Variants in ZBTB20 observed in about 807,000 individuals in gnomAD.
The protein encoded by ZBTB20 is zinc finger and BTB domain-containing protein 20.
In ZBTB20, 9 loss-of-function variants were observed where a neutral mutation model predicts 56.9. The observed-to-expected ratio is 0.16, with a 90% CI of 0.10 to 0.28. The LOEUF is 0.28. Among genes scored for constraint, ZBTB20 ranks in the 10% least tolerant of loss-of-function variants. The probability of loss-of-function intolerance (pLI) is 1.00; values close to 1 mark genes in which losing one functional copy is unlikely to be tolerated. For missense variants in ZBTB20, 655 were observed against 1,003.0 expected (o/e 0.65, Z 4.69); for synonymous variants, 417 against 420.7 (o/e 0.99, Z 0.11).
At chr3:115,018,307 T>G (rs2080061711) in intron 2 of ZBTB20, among the ~76,000 whole-genome samples, 1 of 151,490 alleles carries the variant, frequency 6.6e-6, no homozygotes, top group South Asian at 2.1e-4. Flanking sequence ...GTTAGAAAAT[T>G]TTTTAACAAG....
chr3:114,548,886 C>T (rs1027968728), intron 6 of ZBTB20, among the ~76,000 whole-genome samples: 8 of 152,156 alleles, frequency 5.3e-5, no homozygotes, highest in African/African-American at 1.9e-4. Context: ...GTAGGAAGCT[C>T]ATTCCTTCAT....
intron 1 of ZBTB20, among the ~76,000 whole-genome samples, chr3:115,088,374 G>T (rs1345875346): frequency 2.0e-5 from 3 of 151,702 alleles, no homozygotes; most frequent in African/African-American, 7.3e-5. Context: ...TTGTAAGTCT[G>T]CTAAAGACAA....
chr3:114,947,409 A>G (rs2076920879), intron 3 of ZBTB20, among the ~76,000 whole-genome samples: 1 of 146,422 alleles, frequency 6.8e-6, no homozygotes, highest in Admixed American at 6.6e-5. Flanking sequence ...GCCAACTTAA[A>G]TGTCCATCAA....
chr3:115,050,905 T>A (rs545648957), intron 2 of ZBTB20, among the ~76,000 whole-genome samples: 2 of 152,052 alleles, frequency 1.3e-5, no homozygotes, highest in Admixed American at 6.6e-5. Flanking sequence ...AAAAACAAAG[T>A]CAATCCAAAA....
chr3:115,080,712 A>G (rs1362778897), intron 1 of ZBTB20, among the ~76,000 whole-genome samples: 1 of 152,190 alleles, frequency 6.6e-6, no homozygotes. Flanking sequence ...TAAGAACATT[A>G]ATTGTTGTGA....
intron 4 of ZBTB20, among the ~76,000 whole-genome samples, chr3:114,869,654 A>G (rs1255492332): frequency 6.6e-6 from 1 of 152,170 alleles, no homozygotes; most frequent in Non-Finnish European, 1.5e-5. Flanking sequence ...AAACAAGCCT[A>G]TTTCCTTATC....
chr3:114,956,105 CA>C (rs1283750537), intron 3 of ZBTB20, among the ~76,000 whole-genome samples: 3 of 152,038 alleles, frequency 2.0e-5, no homozygotes, highest in Non-Finnish European at 4.4e-5. Context: ...GCTATATTGA[CA>C]AAAGTATGCA....
chr3:114,582,300 C>T (rs913653740), intron 6 of ZBTB20: 4 of 152,030 alleles, frequency 2.6e-5, no homozygotes, highest in Non-Finnish European at 5.9e-5. Context: ...GGTTCAGAAA[C>T]AAATGTTCCA....
chr3:114,455,138 GGA>G (rs1456145350), intron 7 of ZBTB20, among the ~76,000 whole-genome samples: 2 of 150,844 alleles, frequency 1.3e-5, no homozygotes, highest in East Asian at 1.9e-4. Context: ...GGAACAGGAG[GGA>G]GAGAGAGAGA....
At chr3:114,404,692 C>T (rs1397430605) in intron 7 of ZBTB20, among the ~76,000 whole-genome samples, 3 of 152,076 alleles carry the variant, frequency 2.0e-5, no homozygotes, top group Admixed American at 1.3e-4. Flanking sequence ...CAGAGCCTGC[C>T]GAGCTAGCTT....
chr3:114,794,640 T>C (rs2071212407), intron 5 of ZBTB20, among the ~76,000 whole-genome samples: 1 of 152,122 alleles, frequency 6.6e-6, no homozygotes, highest in African/African-American at 2.4e-5. Flanking sequence ...TACTTCTCTA[T>C]GGTTTAATTT....
rs1330395344 is a variant in ZBTB20 at position 114,985,907 on chromosome 3, G to A, written c.-506-11491C>T. Among the ~76,000 whole-genome samples, 3 of 152,008 alleles carry A rather than the reference G, an allele frequency of 2.0e-5. No homozygotes were observed. In the East Asian group the frequency reaches 5.8e-4, roughly 29 times the overall value. On this transcript the variant is annotated intron_variant, in intron 2 of 11. Coordinates refer to ENST00000675478, the MANE Select transcript of ZBTB20 (RefSeq NM_001348800.3). Reference sequence around the variant, plus strand: ...GTTTCTGTTTCAACTACTCAATTCTGCTACTATAGTCTGAAAGCAGCCATA... The same window carrying A: ...GTTTCTGTTTCAACTACTCAATTCTACTACTATAGTCTGAAAGCAGCCATA...
intron 3 of ZBTB20, among the ~76,000 whole-genome samples, chr3:114,967,999 G>A (rs1456261887): frequency 6.6e-6 from 1 of 151,528 alleles, no homozygotes; most frequent in Admixed American, 6.6e-5. Flanking sequence ...TGCTAGAGTT[G>A]TATAAAAGAA....
At chr3:114,364,251 A>G (rs1312015329) in intron 10 of ZBTB20, among the ~76,000 whole-genome samples, 1 of 152,200 alleles carries the variant, frequency 6.6e-6, no homozygotes, top group Non-Finnish European at 1.5e-5. Flanking sequence ...TAGGAGTTTG[A>G]GACCAGCCTA....
At chr3:114,667,315 T>C (rs1033748983) in intron 6 of ZBTB20, among the ~76,000 whole-genome samples, 1 of 152,068 alleles carries the variant, frequency 6.6e-6, no homozygotes, top group African/African-American at 2.4e-5. Flanking sequence ...ATAATTTTAT[T>C]ACTTCTAGAA....
chr3:114,685,775 T>A (rs1238435965), intron 6 of ZBTB20, among the ~76,000 whole-genome samples: 1 of 152,058 alleles, frequency 6.6e-6, no homozygotes, highest in Non-Finnish European at 1.5e-5. Context: ...GAGACCAACA[T>A]AAATGCTTTT....
chr3:114,702,237 G>GGAGGCT (rs2063437780), intron 5 of ZBTB20, among the ~76,000 whole-genome samples: 3 of 152,100 alleles, frequency 2.0e-5, no homozygotes, highest in Non-Finnish European at 4.4e-5. Context: ...CAGCTACTCT[G>GGAGGCT]GAGGCTGAGG....
chr3:114,982,579 T>C (rs1223320299), intron 2 of ZBTB20, among the ~76,000 whole-genome samples: 1 of 152,024 alleles, frequency 6.6e-6, no homozygotes, highest in Non-Finnish European at 1.5e-5. Flanking sequence ...TAGTTATAAA[T>C]TCATTCCATT....
At chr3:114,461,346 C>T (rs2092323658) in intron 7 of ZBTB20, among the ~76,000 whole-genome samples, 1 of 144,892 alleles carries the variant, frequency 6.9e-6, no homozygotes, top group Non-Finnish European at 1.5e-5. Context: ...GTCACCGAGG[C>T]TGGAGTGCAC....
Sources: allele counts gnomAD v4.1 joint callset (sites outside exome capture counted in the v4.1 genomes callset), GRCh38; gene constraint gnomAD v4.1.1; transcripts MANE v1.5; gene names NCBI Gene and HGNC (gene_info 2026-07-23, HGNC 2026-07-21).